The following LRRC72 variants were observed in gnomAD, a reference collection of about 807,000 sequenced individuals.
LRRC72 encodes the protein leucine-rich repeat-containing protein 72.
Under a neutral mutation model 35.8 loss-of-function variants are expected in LRRC72, and 41 were observed. The ratio of observed to expected loss-of-function variants is 1.15; its 90% confidence interval spans 0.89 to 1.49. The LOEUF is 1.49. Among genes scored for constraint, LRRC72 ranks in the 40% most tolerant of loss-of-function variants. The pLI is 0.00. For missense variants in LRRC72, 389 were observed against 330.7 expected (o/e 1.18, Z -1.37); for synonymous variants, 118 against 119.2 (o/e 0.99, Z 0.07).
At chr7:16,580,123 T>C in intron 8 of LRRC72, 22 bp downstream of exon 8, 1 of 363,566 alleles carries the variant, frequency 2.8e-6, no homozygotes, top group South Asian at 2.8e-5. Flanking sequence ...TATCTATACA[T>C]TTATTATCAG....
At chr7:16,547,855 G>A (rs1782475793) in intron 3 of LRRC72, among the ~76,000 whole-genome samples, 1 of 152,262 alleles carries the variant, frequency 6.6e-6, no homozygotes, top group South Asian at 2.1e-4. Flanking sequence ...AGCGGCAGGA[G>A]GCACACAGGT....
At chr7:16,558,272 C>T (rs11761970) in intron 4 of LRRC72, among the ~76,000 whole-genome samples, 31,676 of 152,006 alleles carry the variant, frequency 0.21, 3,513 homozygotes, top group Non-Finnish European at 0.23. Context: ...GAAAATAACC[C>T]CTCCAAAATC....
intron 7 of LRRC72, among the ~76,000 whole-genome samples, chr7:16,569,482 T>G (rs1184534200): frequency 6.6e-6 from 1 of 152,200 alleles, no homozygotes; most frequent in Non-Finnish European, 1.5e-5. Flanking sequence ...ATGAATGACT[T>G]ACACTGCATT....
At chr7:16,540,624 G>A (rs572477744) in intron 3 of LRRC72, among the ~76,000 whole-genome samples, 4 of 152,242 alleles carry the variant, frequency 2.6e-5, no homozygotes, top group African/African-American at 7.2e-5. Flanking sequence ...TAATCCCCAC[G>A]TGTCAGGGGA....
intron 7 of LRRC72, among the ~76,000 whole-genome samples, chr7:16,573,158 C>T (rs1176337279): frequency 6.6e-6 from 1 of 152,124 alleles, no homozygotes; most frequent in Non-Finnish European, 1.5e-5. Context: ...AGAGAAGACA[C>T]AAACAAATGG....
chr7:16,567,552 T>TTA lies in LRRC72; in HGVS notation c.670+9_670+10insTA, dbSNP rs1554396365. ...CCAGAGAGTACCTTCAGGTATTTCG[T>TTA]AAAAAAAAAAAAAAAAACAAATTTA... On this transcript the variant is annotated intron_variant, in intron 7 of 8. Coordinates refer to ENST00000401542, the MANE Select transcript of LRRC72 (RefSeq NM_001195280.2). 9.2e-7 allele frequency: 1 copy of TTA among 1,091,608 alleles called. No individual in the cohort carries two copies. Among genetic ancestry groups the TTA allele is most frequent in the Non-Finnish European group, 1.2e-6 (1 of 859,138 alleles). The allele number at this position is 1,091,608 out of a possible 1,614,324, so 67.6% of individuals were successfully genotyped here.
chr7:16,550,866 T>C (rs573968533), intron 3 of LRRC72, among the ~76,000 whole-genome samples: 52 of 152,364 alleles, frequency 3.4e-4, no homozygotes, highest in African/African-American at 1.2e-3. Context: ...TATGACAAAG[T>C]ATGCTATTCA....
intron 7 of LRRC72, among the ~76,000 whole-genome samples, chr7:16,574,730 T>C (rs1783007772): frequency 6.6e-6 from 1 of 152,002 alleles, no homozygotes; most frequent in Non-Finnish European, 1.5e-5. Flanking sequence ...CAAACCATCA[T>C]GGCACATGTG....
intron 3 of LRRC72, among the ~76,000 whole-genome samples, chr7:16,547,748 G>A (rs995742451): frequency 1.2e-4 from 18 of 152,356 alleles, no homozygotes; most frequent in East Asian, 1.9e-4. Flanking sequence ...GACTTTGGGC[G>A]CCAAGAAGCA....
At chr7:16,539,290 C>T (rs1208200010) in intron 3 of LRRC72, among the ~76,000 whole-genome samples, 1 of 152,140 alleles carries the variant, frequency 6.6e-6, no homozygotes, top group Non-Finnish European at 1.5e-5. Flanking sequence ...TGGCATTGTG[C>T]CCCTGCCCTA....
At chr7:16,575,571 A>C (rs1183246923) in intron 7 of LRRC72, among the ~76,000 whole-genome samples, 1 of 152,230 alleles carries the variant, frequency 6.6e-6, no homozygotes, top group Non-Finnish European at 1.5e-5. Context: ...CTGATTTTTA[A>C]AATGAGTATA....
chr7:16,544,454 C>A (rs566949257), intron 3 of LRRC72, among the ~76,000 whole-genome samples: 1 of 152,092 alleles, frequency 6.6e-6, no homozygotes, highest in Non-Finnish European at 1.5e-5. Context: ...TTCCTAACAC[C>A]CGCTGACATA....
intron 1 of LRRC72, among the ~76,000 whole-genome samples, chr7:16,529,372 T>A (rs577306052): frequency 6.6e-6 from 1 of 152,318 alleles, no homozygotes; most frequent in Admixed American, 6.5e-5. Flanking sequence ...TTCCAGCGTG[T>A]CCAGGCTAAC....
intron 3 of LRRC72, among the ~76,000 whole-genome samples, chr7:16,541,220 C>T (rs759771398): frequency 4.6e-4 from 70 of 152,172 alleles, no homozygotes; most frequent in Non-Finnish European, 8.8e-4. Context: ...ATTCATCTTC[C>T]GACAGCTTGT....
At chr7:16,573,583 G>C (rs1037757495) in intron 7 of LRRC72, among the ~76,000 whole-genome samples, 1 of 152,142 alleles carries the variant, frequency 6.6e-6, no homozygotes, top group African/African-American at 2.4e-5. Context: ...AGTGGTGTTG[G>C]GAAAACTGGC....
intron 3 of LRRC72, among the ~76,000 whole-genome samples, chr7:16,548,230 C>G (rs1032436252): frequency 7.2e-5 from 11 of 152,322 alleles, no homozygotes; most frequent in East Asian, 1.9e-4. Flanking sequence ...GTCTTGCATA[C>G]CCTCCAGTTG....
At chr7:16,534,610 T>G (rs1253280755) in intron 2 of LRRC72, among the ~76,000 whole-genome samples, 1 of 151,970 alleles carries the variant, frequency 6.6e-6, no homozygotes, top group African/African-American at 2.4e-5. Context: ...GCCACTGCAC[T>G]CCAGCCTGGG....
At chr7:16,549,345 T>G (rs1321705742) in intron 3 of LRRC72, among the ~76,000 whole-genome samples, 1 of 152,312 alleles carries the variant, frequency 6.6e-6, no homozygotes, top group East Asian at 1.9e-4. Flanking sequence ...GAAAAGATAT[T>G]GGATAGATAT....
At position 16,566,282 on chromosome 7, in the gene LRRC72, G is replaced by A. The variant is rs1256869440; in HGVS notation, c.428-31G>A. The A allele has an allele frequency of 2.2e-6, 3 of 1,380,320 alleles. No homozygotes were observed. The South Asian group carries it at 4.3e-5, about 20-fold the overall frequency. 85.5% of individuals were successfully genotyped at this position (1,380,320 alleles called of 1,614,324 possible). A position where few individuals can be genotyped will look rare whatever the true frequency, so the allele number is the denominator to read the frequency against. ...ATAAGTGAAACTGATTTTGAAATCT[G>A]ACATTTTTATTTTGGATTCTTCATT... On this transcript the variant is annotated intron_variant, in intron 5 of 8. Transcript: ENST00000401542.
Sources: allele counts gnomAD v4.1 joint callset (sites outside exome capture counted in the v4.1 genomes callset), GRCh38; gene constraint gnomAD v4.1.1; transcripts MANE v1.5; gene names NCBI Gene and HGNC (gene_info 2026-07-23, HGNC 2026-07-21).